Variants in ANGPT1 observed in about 807,000 individuals in gnomAD.
ANGPT1 encodes the protein angiopoietin-1.
Under a neutral mutation model 62.2 loss-of-function variants are expected in ANGPT1, and 17 were observed. The observed-to-expected ratio is 0.27, with a 90% CI of 0.19 to 0.41. The LOEUF (loss-of-function observed/expected upper bound fraction) is 0.41, where lower values mean the gene tolerates loss of function less well. Ranked by LOEUF, ANGPT1 falls within the 10% of genes least tolerant of loss-of-function variation. The pLI is 1.00. For synonymous variants in ANGPT1, 199 were observed against 198.9 expected (o/e 1.00, Z 0.00); for missense variants, 478 against 594.9 (o/e 0.80, Z 2.04).
chr8:107,437,890 T>C (rs1199404888), intron 1 of ANGPT1, among the ~76,000 whole-genome samples: 1 of 152,150 alleles, frequency 6.6e-6, no homozygotes, highest in African/African-American at 2.4e-5. Context: ...ACTGGTTGTA[T>C]TGGAGACTGA....
rs918908973 is a variant in ANGPT1 at position 107,387,896 on chromosome 8, T to C, written c.298-40799A>G. Among the ~76,000 whole-genome samples the C allele has an allele frequency of 7.2e-5, 11 of 152,212 alleles. No individual in the cohort carries two copies. In the East Asian group the frequency reaches 1.2e-3, roughly 16 times the overall value. ...TTCTTTGAAGTAAATAAGTAAAATG[T>C]CTGAATCCCAACTCCTTTCTAAATT... is the stretch of plus-strand genomic sequence containing the variant. On this transcript the variant is annotated intron_variant, in intron 1 of 8. Coordinates refer to ENST00000517746, the MANE Select transcript of ANGPT1 (RefSeq NM_001146.5).
At chr8:107,369,975 A>C (rs1816348910) in intron 1 of ANGPT1, among the ~76,000 whole-genome samples, 1 of 151,830 alleles carries the variant, frequency 6.6e-6, no homozygotes, top group African/African-American at 2.4e-5. Flanking sequence ...CTGTCTCCAC[A>C]AAAACATAAA....
intron 1 of ANGPT1, among the ~76,000 whole-genome samples, chr8:107,427,039 A>G (rs891461340): frequency 3.3e-5 from 5 of 152,210 alleles, no homozygotes. Context: ...CAGAATTTAC[A>G]CAAGAATTCT....
At chr8:107,310,018 A>T (rs1245855471) in intron 4 of ANGPT1, among the ~76,000 whole-genome samples, 3 of 152,144 alleles carry the variant, frequency 2.0e-5, no homozygotes, top group African/African-American at 7.2e-5. Context: ...TTATCTAGTG[A>T]ATTATTATTT....
At chr8:107,365,541 T>G (rs911806043) in intron 1 of ANGPT1, among the ~76,000 whole-genome samples, 1 of 152,170 alleles carries the variant, frequency 6.6e-6, no homozygotes, top group African/African-American at 2.4e-5. Context: ...GTATTGGGCA[T>G]GAAGCAATAA....
At chr8:107,348,488 T>C (rs567413665) in intron 1 of ANGPT1, among the ~76,000 whole-genome samples, 7 of 152,240 alleles carry the variant, frequency 4.6e-5, no homozygotes, top group Non-Finnish European at 8.8e-5. Context: ...TCTTGGCCAA[T>C]ATAAGATAAT....
At chr8:107,417,917 C>T (rs1296786685) in intron 1 of ANGPT1, among the ~76,000 whole-genome samples, 1 of 152,008 alleles carries the variant, frequency 6.6e-6, no homozygotes, top group Non-Finnish European at 1.5e-5. Context: ...ACAGGGTTTC[C>T]CTCATAGTCT....
At chr8:107,371,573 C>CTTTTT (rs5893851) in intron 1 of ANGPT1, among the ~76,000 whole-genome samples, 1 of 102,144 alleles carries the variant, frequency 9.8e-6, no homozygotes, top group African/African-American at 3.7e-5. Context: ...GCTGAGCATT[C>CTTTTT]TTTTTTTTTT....
intron 3 of ANGPT1, among the ~76,000 whole-genome samples, chr8:107,331,679 G>A (rs1053554861): frequency 1.3e-5 from 2 of 152,064 alleles, no homozygotes; most frequent in Admixed American, 1.3e-4. Context: ...ATTGGTTGGA[G>A]GATTGGAAAT....
chr8:107,384,874 G>A (rs965046999), intron 1 of ANGPT1, among the ~76,000 whole-genome samples: 2 of 152,032 alleles, frequency 1.3e-5, no homozygotes, highest in Non-Finnish European at 2.9e-5. Flanking sequence ...TATTGAATGG[G>A]GTGTCATTTT....
chr8:107,264,142 T>C (rs1452899767), intron 8 of ANGPT1, 79 bp downstream of exon 8: 23 of 1,501,640 alleles, frequency 1.5e-5, no homozygotes, highest in Non-Finnish European at 2.0e-5. Context: ...CATAAGATCA[T>C]ACTCCTTTCT....
intron 6 of ANGPT1, among the ~76,000 whole-genome samples, chr8:107,289,395 GTTGAC>G (rs1487017083): frequency 3.3e-5 from 5 of 152,058 alleles, no homozygotes; most frequent in African/African-American, 1.2e-4. Context: ...CTCAGGAAGC[GTTGAC>G]TTTTTATAGA....
chr8:107,385,213 G>GT (rs550125379), intron 1 of ANGPT1, among the ~76,000 whole-genome samples: 2,793 of 152,106 alleles, frequency 0.018, 89 homozygotes, highest in African/African-American at 0.064. Flanking sequence ...TCGGTAAATT[G>GT]CTTTTTGTAG....
At chr8:107,345,990 C>T (rs1396568941) in intron 2 of ANGPT1, among the ~76,000 whole-genome samples, 2 of 152,140 alleles carry the variant, frequency 1.3e-5, no homozygotes, top group Admixed American at 6.5e-5. Context: ...TGTGAGAAAT[C>T]ACTCAAGCTA....
chr8:107,260,319 G>A (rs1813462636), intron 8 of ANGPT1, among the ~76,000 whole-genome samples: 1 of 152,016 alleles, frequency 6.6e-6, no homozygotes. Flanking sequence ...ATCCCTTTTA[G>A]AAGAAACAAA....
intron 1 of ANGPT1, among the ~76,000 whole-genome samples, chr8:107,436,473 C>T (rs1482156708): frequency 6.6e-6 from 1 of 152,190 alleles, no homozygotes; most frequent in East Asian, 1.9e-4. Context: ...CTTTCTGGGT[C>T]TCACGTTATT....
intron 7 of ANGPT1, among the ~76,000 whole-genome samples, chr8:107,275,774 G>A (rs541785348): frequency 3.3e-5 from 5 of 152,156 alleles, no homozygotes; most frequent in South Asian, 2.1e-4. Context: ...ACCTAGAGCA[G>A]TGGATCACAG....
At chr8:107,288,597 G>A (rs1814200587) in intron 6 of ANGPT1, among the ~76,000 whole-genome samples, 1 of 152,082 alleles carries the variant, frequency 6.6e-6, no homozygotes, top group Admixed American at 6.6e-5. Context: ...GTAAAAGGTT[G>A]CACATGTAAG....
chr8:107,253,313 C>A (rs1461645063), intron 8 of ANGPT1, among the ~76,000 whole-genome samples: 2 of 152,262 alleles, frequency 1.3e-5, no homozygotes, highest in East Asian at 3.9e-4. Context: ...CAAGTAAAAT[C>A]CTACCTTTGT....
Sources: gnomAD v4.1 joint callset for allele counts (sites outside exome capture counted in the v4.1 genomes callset) on GRCh38, gnomAD v4.1.1 for gene constraint, MANE v1.5 for transcripts, NCBI Gene and HGNC (gene_info 2026-07-23, HGNC 2026-07-21) for gene names.